Variants in SH3RF1 observed in about 807,000 individuals in gnomAD.
SH3RF1 encodes SH3 domain containing ring finger 1.
SH3RF1 carries 32 observed loss-of-function variants against 74.0 expected under a neutral mutation model. That is an observed-to-expected ratio of 0.43 (90% CI 0.33 to 0.58). The LOEUF (loss-of-function observed/expected upper bound fraction) is 0.58. Among genes scored for constraint, SH3RF1 ranks in the 20% least tolerant of loss-of-function variants. SH3RF1 has a pLI of 0.05. For synonymous variants in SH3RF1, 396 were observed against 439.6 expected (o/e 0.90, Z 1.24); for missense variants, 954 against 1,130.9 (o/e 0.84, Z 2.24).
intron 2 of SH3RF1, among the ~76,000 whole-genome samples, chr4:169,192,655 G>A (rs781580538): frequency 6.6e-6 from 1 of 152,024 alleles, no homozygotes; most frequent in East Asian, 1.9e-4. Flanking sequence ...CAAAGGAAAA[G>A]AAGTCATTAT....
At chr4:169,259,534 T>A (rs1213489074) in intron 2 of SH3RF1, among the ~76,000 whole-genome samples, 2 of 152,148 alleles carry the variant, frequency 1.3e-5, no homozygotes, top group Admixed American at 6.5e-5. Context: ...GACAAAAGGA[T>A]TGCAGAGCCA....
chr4:169,178,409 T>TA (rs953082901), intron 2 of SH3RF1, among the ~76,000 whole-genome samples: 2 of 121,968 alleles, frequency 1.6e-5, no homozygotes, highest in Admixed American at 1.8e-4. Context: ...GATTTGGGGC[T>TA]AAAAAACCTT....
rs549205277 is a variant in SH3RF1 at position 169,147,811 on chromosome 4, A to C, written c.765+7669T>G. Among the ~76,000 whole-genome samples, 234 of 152,336 alleles carry C rather than the reference A, an allele frequency of 1.5e-3. 2 individuals carry two copies. The highest frequency in any genetic ancestry group is 5.4e-3 in the African/African-American group (224 of 41,578). On this transcript the variant is annotated intron_variant, in intron 4 of 11. Transcript: ENST00000284637. ...CACACATGCACACACATGCTGGACC[A>C]GTATAGAATATTCATTCAGTCTTTT... is the stretch of plus-strand genomic sequence containing the variant.
At chr4:169,244,022 G>GT (rs1375928749) in intron 2 of SH3RF1, among the ~76,000 whole-genome samples, 3 of 152,196 alleles carry the variant, frequency 2.0e-5, no homozygotes, top group Admixed American at 2.0e-4. Context: ...AGTAAATGAG[G>GT]TTTTGAACTG....
chr4:169,111,932 GCA>G (rs1418760807), intron 10 of SH3RF1, among the ~76,000 whole-genome samples: 1 of 152,202 alleles, frequency 6.6e-6, no homozygotes, highest in Non-Finnish European at 1.5e-5. Context: ...CTGAGACTTT[GCA>G]CAACAGGACT....
intron 2 of SH3RF1, among the ~76,000 whole-genome samples, chr4:169,192,748 C>A (rs2126985488): frequency 1.3e-5 from 2 of 150,416 alleles, no homozygotes; most frequent in Admixed American, 1.3e-4. Flanking sequence ...TAGCCATCAA[C>A]AAATGGATAA....
chr4:169,242,584 T>C (rs1730930409), intron 2 of SH3RF1, among the ~76,000 whole-genome samples: 1 of 152,176 alleles, frequency 6.6e-6, no homozygotes, highest in African/African-American at 2.4e-5. Flanking sequence ...ATACTATCAT[T>C]TGAATGTGTC....
At chr4:169,170,988 C>T (rs922928770) in intron 2 of SH3RF1, among the ~76,000 whole-genome samples, 2 of 152,214 alleles carry the variant, frequency 1.3e-5, no homozygotes, top group African/African-American at 2.4e-5. Flanking sequence ...GAACTAAAAA[C>T]ACTTGTCTTT....
At position 169,145,134 on chromosome 4, in the gene SH3RF1, T is replaced by C. The variant is rs568652069; in HGVS notation, c.766-8514A>G. Among the ~76,000 whole-genome samples the C allele has an allele frequency of 7.0e-4, 106 of 152,322 alleles. 1 individual carries two copies. In the South Asian group the frequency reaches 0.022, roughly 31 times the overall value. On this transcript the variant is annotated intron_variant, in intron 4 of 11. Transcript: ENST00000284637. ...TTTACTAAAAAGAAACCTGTACTTGTACGTTTATTGCAGCACTATTCACAA... is the reference window on the plus strand; with the variant it reads ...TTTACTAAAAAGAAACCTGTACTTGCACGTTTATTGCAGCACTATTCACAA...
Position 169,122,274 on chromosome 4 carries a change from AG to A in SH3RF1, c.1180-9del. ...AAGAGGAGGATTCAAAGTCTAGTAT[AG>A]GAAAAACATAAAGAGAAAGGGAAAA... On this transcript the variant is annotated splice_polypyrimidine_tract_variant and intron_variant, in intron 6 of 11. Transcript: ENST00000284637. The A allele has an allele frequency of 6.4e-7, 1 of 1,570,802 alleles. No homozygotes were observed. Among genetic ancestry groups the A allele is most frequent in the Non-Finnish European group, 8.7e-7 (1 of 1,155,936 alleles).
intron 2 of SH3RF1, among the ~76,000 whole-genome samples, chr4:169,172,771 A>G (rs1193546276): frequency 6.6e-6 from 1 of 152,132 alleles, no homozygotes; most frequent in African/African-American, 2.4e-5. Context: ...AAGACCCACC[A>G]ATTGGCTGCC....
At chr4:169,175,575 G>A (rs1734406413) in intron 2 of SH3RF1, among the ~76,000 whole-genome samples, 1 of 152,078 alleles carries the variant, frequency 6.6e-6, no homozygotes, top group South Asian at 2.1e-4. Context: ...CATCTCAGAA[G>A]GCTTCCCTGA....
intron 2 of SH3RF1, among the ~76,000 whole-genome samples, chr4:169,264,636 G>A (rs1218483595): frequency 6.6e-6 from 1 of 152,136 alleles, no homozygotes; most frequent in Admixed American, 6.5e-5. Flanking sequence ...TTTGACACAA[G>A]CTCCAATCCC....
chr4:169,170,901 A>G (rs900146822), intron 2 of SH3RF1, among the ~76,000 whole-genome samples: 12 of 152,254 alleles, frequency 7.9e-5, no homozygotes, highest in African/African-American at 2.9e-4. Flanking sequence ...ATATTTATCT[A>G]AAGTGAGTGT....
At chr4:169,167,753 T>C (rs182945602) in intron 2 of SH3RF1, among the ~76,000 whole-genome samples, 224 of 152,308 alleles carry the variant, frequency 1.5e-3, no homozygotes, top group African/African-American at 5.1e-3. Context: ...TTTCTGAGAC[T>C]ATAAATATAT....
intron 4 of SH3RF1, among the ~76,000 whole-genome samples, chr4:169,141,804 A>G (rs549951055): frequency 1.9e-4 from 28 of 146,562 alleles, no homozygotes; most frequent in East Asian, 7.9e-4. Context: ...TGGCCCGCCT[A>G]ATTTTTGCTT....
Position 169,269,191 on chromosome 4 carries a change from C to T in SH3RF1, c.22G>A (p.Asp8Asn). 6.3e-7 allele frequency: 1 copy of T among 1,589,166 alleles called. No homozygotes were observed. The highest frequency in any genetic ancestry group is 8.5e-7 in the Non-Finnish European group (1 of 1,170,610). ...AGACACACCGGACACTCCAAAAGAT[C>T]CAACAAGGCTGATTCATCCATCTTT... is the stretch of plus-strand genomic sequence containing the variant. MDESALL[D>N]LLECPVCLER... Residue 8 changes from aspartate to asparagine, a missense_variant, in exon 2 of 12, where the codon GAT becomes AAT. Around this residue, in one of 3 missense-constraint regions of SH3RF1, gnomAD observed 64 missense variants for 101.9 expected, o/e 0.63. Transcript: ENST00000284637.
At chr4:169,157,977 G>A (rs1734087994) in intron 2 of SH3RF1, among the ~76,000 whole-genome samples, 1 of 152,128 alleles carries the variant, frequency 6.6e-6, no homozygotes, top group African/African-American at 2.4e-5. Flanking sequence ...GACCTCAAAT[G>A]ATCCACCCAC....
Position 169,222,136 on chromosome 4 carries a change from T to C in SH3RF1, c.393+46684A>G, listed in dbSNP as rs972877286. 3.3e-5 allele frequency among the ~76,000 whole-genome samples: 5 copies of C among 152,148 alleles called. No individual in the cohort carries two copies. The South Asian group carries it at 6.2e-4, about 19-fold the overall frequency. ...AAAGCAAAGATACTGCAATAGAAAATCAGCAATGTGACAATTATAATATGC... is the reference window on the plus strand; with the variant it reads ...AAAGCAAAGATACTGCAATAGAAAACCAGCAATGTGACAATTATAATATGC... On this transcript the variant is annotated intron_variant, in intron 2 of 11. Coordinates refer to ENST00000284637, the MANE Select transcript of SH3RF1 (RefSeq NM_020870.4).
Sources: gnomAD v4.1 joint callset for allele counts (sites outside exome capture counted in the v4.1 genomes callset) on GRCh38, gnomAD v4.1.1 for gene constraint, gnomAD v4.1.1 regional missense constraint, MANE v1.5 for transcripts, NCBI Gene and HGNC (gene_info 2026-07-23, HGNC 2026-07-21) for gene names.